Variants in TDP1 observed in about 807,000 individuals in gnomAD.
TDP1 encodes tyr-DNA phosphodiesterase 1.
TDP1 carries 64 observed loss-of-function variants against 81.5 expected under a neutral mutation model. The ratio of observed to expected loss-of-function variants is 0.79; its 90% confidence interval spans 0.64 to 0.97. The LOEUF (loss-of-function observed/expected upper bound fraction) is 0.97. TDP1 is among the 50% of genes least tolerant of loss of function. TDP1 has a pLI of 0.00. For missense variants in TDP1, 723 were observed against 743.8 expected (o/e 0.97, Z 0.33); for synonymous variants, 256 against 264.3 (o/e 0.97, Z 0.30).
chr14:90,025,760 G>C (rs1886574894), intron 15 of TDP1, among the ~76,000 whole-genome samples: 1 of 152,164 alleles, frequency 6.6e-6, no homozygotes, highest in African/African-American at 2.4e-5. Context: ...AAGATCAGTA[G>C]CTGTATTCCA....
intron 15 of TDP1, among the ~76,000 whole-genome samples, chr14:90,030,330 G>A (rs780273555): frequency 2.5e-4 from 38 of 152,100 alleles, no homozygotes; most frequent in Non-Finnish European, 4.7e-4. Flanking sequence ...CTGTTCTCAC[G>A]CTTGGTATTC....
In TDP1 at chr14:89,994,806, A is replaced by G. The variant is rs140162369; in HGVS notation, c.1541+1323A>G. ...TGCTATTGTAAGTAGGCCTAGAAGT[A>G]AGCCTGAGAGAAAACCCAGACGGAT... is the stretch of plus-strand genomic sequence containing the variant. On this transcript the variant is annotated intron_variant, in intron 14 of 16. Coordinates refer to ENST00000335725, the MANE Select transcript of TDP1 (RefSeq NM_018319.4). Among the ~76,000 whole-genome samples, 20 of 152,334 alleles carry G rather than the reference A, an allele frequency of 1.3e-4. No homozygotes were observed. In the East Asian group the frequency reaches 3.9e-3, roughly 29 times the overall value.
intron 14 of TDP1, among the ~76,000 whole-genome samples, chr14:90,016,342 C>T (rs934509615): frequency 6.6e-6 from 1 of 152,024 alleles, no homozygotes; most frequent in African/African-American, 2.4e-5. Flanking sequence ...TGTGCCCAGC[C>T]GAGACAGCAG....
At chr14:89,962,811 G>C (rs1237226222) in intron 2 of TDP1, 2 of 526,350 alleles carry the variant, frequency 3.8e-6, no homozygotes, top group East Asian at 3.0e-4. Flanking sequence ...GGCAGATGTT[G>C]CAGTCAGCTG....
In TDP1 at chr14:89,991,632, A is replaced by G. The variant is rs183784512; in HGVS notation, c.1367-285A>G. ...CATGAGCCTTATTTAAAGGCATCCC[A>G]TGACTATACTTCGTAAAGTATATGA... is the stretch of plus-strand genomic sequence containing the variant. On this transcript the variant is annotated intron_variant, in intron 12 of 16. Transcript: ENST00000335725. The G allele has an allele frequency of 8.1e-6, 8 of 984,972 alleles. No homozygotes were observed. The African/African-American group carries it at 1.0e-4, about 13-fold the overall frequency. 61.0% of individuals were successfully genotyped at this position (984,972 alleles called of 1,614,324 possible). A position where few individuals can be genotyped will look rare whatever the true frequency, so the allele number is the denominator to read the frequency against.
At chr14:89,973,780 C>T (rs779741633) in intron 6 of TDP1, among the ~76,000 whole-genome samples, 4 of 151,976 alleles carry the variant, frequency 2.6e-5, no homozygotes, top group Non-Finnish European at 5.9e-5. Flanking sequence ...GGACTTGGGT[C>T]GCTGAAACAA....
chr14:90,023,221 G>A (rs1886292470), intron 15 of TDP1: 1 of 656,362 alleles, frequency 1.5e-6, no homozygotes. Context: ...GCTTTGTTAA[G>A]GAGGTGGCAT....
intron 2 of TDP1, among the ~76,000 whole-genome samples, chr14:89,959,335 G>A (rs1892054259): frequency 6.6e-6 from 1 of 152,204 alleles, no homozygotes; most frequent in African/African-American, 2.4e-5. Context: ...TGATTACAAA[G>A]CACTCTGAAA....
At chr14:89,970,042 A>G (rs1893429534) in intron 5 of TDP1, among the ~76,000 whole-genome samples, 1 of 150,862 alleles carries the variant, frequency 6.6e-6, no homozygotes, top group Non-Finnish European at 1.5e-5. Flanking sequence ...ACGCCCGGCT[A>G]ATTTTTTGTA....
rs144968093 is a variant in TDP1, at chr14:90,019,353, A to G, written c.1579A>G (p.Lys527Glu). 5 of 1,613,016 alleles carry G rather than the reference A, an allele frequency of 3.1e-6. No individual in the cohort carries two copies. In the African/African-American group the frequency reaches 6.7e-5, roughly 22 times the overall value. Residue 527 changes from lysine to glutamate, a missense_variant, in exon 15 of 17, where the codon AAG (lysine) becomes GAG (glutamate). Physicochemically the swap from Lys to Glu is moderately conservative, Grantham distance 56. Transcript: ENST00000335725. ...LSKAAWGALE[K>E]NGTQLMIRSY... is the part of the protein sequence containing the mutation. ...CAAGGCTGCCTGGGGAGCATTGGAG[A>G]AGAATGGCACCCAGCTGATGATCCG...
intron 14 of TDP1, among the ~76,000 whole-genome samples, chr14:90,016,663 C>G (rs1885349111): frequency 6.6e-6 from 1 of 152,210 alleles, no homozygotes; most frequent in African/African-American, 2.4e-5. Context: ...ACAAAGATAA[C>G]ACCCTTATAA....
At chr14:89,976,970 A>G (rs994758785) in intron 7 of TDP1, among the ~76,000 whole-genome samples, 6 of 151,734 alleles carry the variant, frequency 4.0e-5, no homozygotes, top group Non-Finnish European at 8.8e-5. Context: ...TCTGGCCAAC[A>G]TGGTGAAACC....
At chr14:89,971,599 C>A (rs1164500677) in intron 6 of TDP1, among the ~76,000 whole-genome samples, 1 of 152,214 alleles carries the variant, frequency 6.6e-6, no homozygotes, top group Non-Finnish European at 1.5e-5. Context: ...CTAAAGTGAT[C>A]TGTCCTGTCT....
At position 89,993,362 on chromosome 14, in the gene TDP1, T is replaced by C. The variant is rs752055295; in HGVS notation, c.1434-14T>C. ...TATTTCATAATTAGTAACTTTTGTC[T>C]TTTCTGTCACTAGCAAATGGTCAGC... On this transcript the variant is annotated splice_polypyrimidine_tract_variant and intron_variant, in intron 13 of 16. Coordinates refer to ENST00000335725, the MANE Select transcript of TDP1 (RefSeq NM_018319.4). 2 of 1,606,146 alleles carry C rather than the reference T, an allele frequency of 1.2e-6. No homozygotes were observed. The highest frequency in any genetic ancestry group is 2.7e-5 in the African/African-American group (2 of 74,730).
At chr14:90,034,225 C>T (rs183764770) in intron 16 of TDP1, among the ~76,000 whole-genome samples, 2 of 152,168 alleles carry the variant, frequency 1.3e-5, no homozygotes, top group Admixed American at 6.5e-5. Flanking sequence ...GATATCACAT[C>T]GCATAGCCTC....
At chr14:89,997,945 G>T (rs1298305819) in intron 14 of TDP1, among the ~76,000 whole-genome samples, 4 of 152,064 alleles carry the variant, frequency 2.6e-5, no homozygotes, top group African/African-American at 9.7e-5. Flanking sequence ...TGACTTTTAT[G>T]TTCTGGTGCT....
intron 16 of TDP1, among the ~76,000 whole-genome samples, chr14:90,041,226 G>T (rs1223520431): frequency 1.3e-5 from 2 of 152,194 alleles, no homozygotes; most frequent in African/African-American, 4.8e-5. Context: ...GTGGAAGAGA[G>T]CAAGGGCTTG....
chr14:90,019,223 A>AT (rs1383698094), intron 14 of TDP1, 93 bp from the exon 15 acceptor site: 4 of 1,306,828 alleles, frequency 3.1e-6, no homozygotes, highest in Admixed American at 1.9e-5. Context: ...GCAGCTATAT[A>AT]TTTTTTTGAC....
chr14:89,984,880 C>A, intron 9 of TDP1, 197 bp downstream of exon 9: 1 of 985,358 alleles, frequency 1.0e-6, no homozygotes, highest in Non-Finnish European at 1.2e-6. Flanking sequence ...CCAGTGAATC[C>A]TCATGTTTAC....
Sources: allele counts gnomAD v4.1 joint callset (sites outside exome capture counted in the v4.1 genomes callset), GRCh38; gene constraint gnomAD v4.1.1; transcripts MANE v1.5; gene names NCBI Gene and HGNC (gene_info 2026-07-23, HGNC 2026-07-21).